The following CSMD1 variants were observed in gnomAD, a reference collection of about 807,000 sequenced individuals.
The protein encoded by CSMD1 is CUB and sushi domain-containing protein 1.
CSMD1 carries 213 observed loss-of-function variants against 417.5 expected under a neutral mutation model. That is an observed-to-expected ratio of 0.51 (90% confidence interval 0.46 to 0.57). CSMD1 has a LOEUF of 0.57. Among genes scored for constraint, CSMD1 ranks in the 20% least tolerant of loss-of-function variants. The pLI, the probability that CSMD1 is intolerant of heterozygous loss-of-function variation, is 0.00. For missense variants in CSMD1, 6,923 were observed against 4,529.7 expected (o/e 1.53, Z -15.17); for synonymous variants, 2,862 against 1,736.8 (o/e 1.65, Z -16.11).
chr8:3,572,835 A>G (rs908965820), intron 10 of CSMD1, among the ~76,000 whole-genome samples: 10 of 152,078 alleles, frequency 6.6e-5, no homozygotes, highest in Admixed American at 6.6e-4. Context: ...AACAAACTCA[A>G]TTGTTCAGCT....
At chr8:3,318,312 C>A (rs2406352) in intron 23 of CSMD1, among the ~76,000 whole-genome samples, 104,211 of 152,036 alleles carry the variant, frequency 0.69, 37,073 homozygotes, top group Non-Finnish European at 0.79. Flanking sequence ...CTCTGTAGTT[C>A]TCTAATTGAG....
intron 5 of CSMD1, among the ~76,000 whole-genome samples, chr8:3,858,668 G>C (rs1178436146): frequency 7.9e-6 from 1 of 126,126 alleles, no homozygotes; most frequent in Admixed American, 7.4e-5. Flanking sequence ...TAATCTTCAG[G>C]AGAACTTTTT....
intron 3 of CSMD1, among the ~76,000 whole-genome samples, chr8:4,283,035 TA>T (rs572904314): frequency 1.2e-4 from 19 of 152,076 alleles, no homozygotes; most frequent in Admixed American, 3.3e-4. Flanking sequence ...TATTTTCATT[TA>T]AAAAAAATGC....
chr8:4,071,907 T>C (rs1207049471), intron 3 of CSMD1, among the ~76,000 whole-genome samples: 2 of 152,192 alleles, frequency 1.3e-5, no homozygotes, highest in South Asian at 4.1e-4. Context: ...CACTTAGGCA[T>C]AGCTCAAGAG....
chr8:4,932,521 T>C (rs896772664), intron 1 of CSMD1, among the ~76,000 whole-genome samples: 1 of 152,142 alleles, frequency 6.6e-6, no homozygotes, highest in African/African-American at 2.4e-5. Context: ...AATGAACGTA[T>C]TCACCTAGAA....
chr8:3,297,976 G>C (rs1033808943), intron 25 of CSMD1, among the ~76,000 whole-genome samples: 2 of 151,982 alleles, frequency 1.3e-5, no homozygotes, highest in South Asian at 2.1e-4. Flanking sequence ...TATTCAAAAG[G>C]CCAATAAACA....
chr8:4,343,415 TA>T (rs888842419), intron 3 of CSMD1, among the ~76,000 whole-genome samples: 1 of 152,016 alleles, frequency 6.6e-6, no homozygotes. Context: ...GTTGTAACCA[TA>T]AAAAAATTAT....
chr8:2,983,802 G>A (rs988927704), intron 54 of CSMD1, among the ~76,000 whole-genome samples: 4 of 152,098 alleles, frequency 2.6e-5, no homozygotes, highest in Admixed American at 2.6e-4. Context: ...TTGTTCTTAT[G>A]TGTGTTGATT....
intron 5 of CSMD1, among the ~76,000 whole-genome samples, chr8:3,957,645 C>G (rs1042772939): frequency 1.3e-5 from 2 of 151,672 alleles, no homozygotes; most frequent in African/African-American, 4.9e-5. Context: ...AGTCATGCCA[C>G]TGCACTCCAG....
At chr8:4,474,077 G>T (rs1312557530) in intron 2 of CSMD1, among the ~76,000 whole-genome samples, 1 of 152,092 alleles carries the variant, frequency 6.6e-6, no homozygotes, top group Non-Finnish European at 1.5e-5. Context: ...TATAATGTAT[G>T]CAATTACAAT....
intron 36 of CSMD1, among the ~76,000 whole-genome samples, chr8:3,181,590 G>C (rs989469546): frequency 2.0e-5 from 3 of 152,162 alleles, no homozygotes; most frequent in East Asian, 3.9e-4. Flanking sequence ...TGAGGGTTGA[G>C]GGAGCAGTCG....
chr8:4,614,276 C>T (rs1212945117), intron 2 of CSMD1, among the ~76,000 whole-genome samples: 4 of 152,168 alleles, frequency 2.6e-5, no homozygotes, highest in African/African-American at 9.7e-5. Flanking sequence ...TTGTGTTTCA[C>T]ACCTAAACGG....
chr8:4,903,217 C>G (rs1805012407), intron 1 of CSMD1, among the ~76,000 whole-genome samples: 1 of 152,154 alleles, frequency 6.6e-6, no homozygotes, highest in Non-Finnish European at 1.5e-5. Flanking sequence ...GTGCTTCTCT[C>G]TGACCAACCC....
At chr8:4,100,866 A>T (rs910599014) in intron 3 of CSMD1, among the ~76,000 whole-genome samples, 5 of 152,228 alleles carry the variant, frequency 3.3e-5, no homozygotes. Flanking sequence ...TTAAAAATAT[A>T]TGTTAGAAAG....
chr8:4,264,545 GT>G (rs1234240379), intron 3 of CSMD1, among the ~76,000 whole-genome samples: 3 of 152,096 alleles, frequency 2.0e-5, no homozygotes, highest in Non-Finnish European at 4.4e-5. Context: ...TTAAAGCCCT[GT>G]TTTTAAGGGT....
intron 7 of CSMD1, among the ~76,000 whole-genome samples, chr8:3,701,213 C>T (rs548536506): frequency 5.3e-5 from 8 of 152,226 alleles, no homozygotes; most frequent in African/African-American, 1.4e-4. Flanking sequence ...AAGAGAAATG[C>T]AGGTTAAGCC....
chr8:4,230,666 A>C (rs1801667649), intron 3 of CSMD1, among the ~76,000 whole-genome samples: 1 of 152,154 alleles, frequency 6.6e-6, no homozygotes, highest in Non-Finnish European at 1.5e-5. Context: ...TTTCTCCATA[A>C]ATATTATAAA....
At chr8:4,001,782 G>C (rs190132769) in intron 4 of CSMD1, among the ~76,000 whole-genome samples, 12 of 152,210 alleles carry the variant, frequency 7.9e-5, no homozygotes, top group South Asian at 2.1e-4. Flanking sequence ...GACTGCAACA[G>C]ACAAGTGGTG....
At chr8:4,868,784 G>GT (rs1203139770) in intron 1 of CSMD1, among the ~76,000 whole-genome samples, 1 of 20,066 alleles carries the variant, frequency 5.0e-5, no homozygotes, top group African/African-American at 6.4e-5. Context: ...TGTAAAAATT[G>GT]TAAAAAAAAA....
Sources: allele counts gnomAD v4.1 joint callset (sites outside exome capture counted in the v4.1 genomes callset), GRCh38; gene constraint gnomAD v4.1.1; transcripts MANE v1.5; gene names NCBI Gene and HGNC (gene_info 2026-07-23, HGNC 2026-07-21).